Variants in HHAT observed in about 807,000 individuals in gnomAD.
HHAT encodes the protein protein-cysteine N-palmitoyltransferase HHAT.
Under a neutral mutation model 70.8 loss-of-function variants are expected in HHAT, and 47 were observed. The observed-to-expected ratio is 0.66, with a 90% CI of 0.53 to 0.85. HHAT has a LOEUF of 0.85. Among genes scored for constraint, HHAT ranks in the 40% least tolerant of loss-of-function variants. HHAT has a pLI of 0.00. For missense variants in HHAT, 609 were observed against 604.8 expected (o/e 1.01, Z -0.07); for synonymous variants, 228 against 247.6 (o/e 0.92, Z 0.74).
At chr1:210,426,373 C>G (rs911060652) in intron 7 of HHAT, among the ~76,000 whole-genome samples, 2 of 152,200 alleles carry the variant, frequency 1.3e-5, no homozygotes, top group African/African-American at 4.8e-5. Context: ...ACTTCCAATA[C>G]TATGTTGAAT....
intron 8 of HHAT, among the ~76,000 whole-genome samples, chr1:210,508,651 C>A (rs188558361): frequency 6.6e-6 from 1 of 152,186 alleles, no homozygotes; most frequent in East Asian, 1.9e-4. Context: ...GCTTTATGAA[C>A]CACTTCATTC....
At chr1:210,614,472 T>C (rs1667257363) in intron 10 of HHAT, among the ~76,000 whole-genome samples, 1 of 152,198 alleles carries the variant, frequency 6.6e-6, no homozygotes, top group African/African-American at 2.4e-5. Flanking sequence ...GCAGGTTTGT[T>C]ACATATGTAT....
intron 8 of HHAT, among the ~76,000 whole-genome samples, chr1:210,501,181 C>T (rs771447322): frequency 1.3e-5 from 2 of 152,218 alleles, no homozygotes; most frequent in Non-Finnish European, 2.9e-5. Context: ...ATTTTTCTAG[C>T]CTCTAATGCC....
At chr1:210,381,920 T>C (rs535571684) in intron 3 of HHAT, among the ~76,000 whole-genome samples, 2 of 152,276 alleles carry the variant, frequency 1.3e-5, no homozygotes, top group South Asian at 2.1e-4. Flanking sequence ...GTACTTTACA[T>C]TTTAGTCTAT....
chr1:210,438,145 CTTAA>C (rs1275504912), intron 7 of HHAT, among the ~76,000 whole-genome samples: 2 of 151,034 alleles, frequency 1.3e-5, no homozygotes, highest in East Asian at 1.9e-4. Flanking sequence ...TTTCCTGCAA[CTTAA>C]TTGTGACCTC....
At chr1:210,669,148 A>G (rs1404051052) in intron 11 of HHAT, among the ~76,000 whole-genome samples, 2 of 152,170 alleles carry the variant, frequency 1.3e-5, no homozygotes, top group Non-Finnish European at 2.9e-5. Flanking sequence ...TTCAGAAAAC[A>G]TACCCTTTGA....
chr1:210,552,992 G>C (rs2095540169), intron 9 of HHAT, among the ~76,000 whole-genome samples: 1 of 152,204 alleles, frequency 6.6e-6, no homozygotes, highest in South Asian at 2.1e-4. Flanking sequence ...TGCAGTGCCT[G>C]TGTTGAAGAG....
At chr1:210,605,297 G>C (rs1328161012) in intron 10 of HHAT, among the ~76,000 whole-genome samples, 1 of 152,198 alleles carries the variant, frequency 6.6e-6, no homozygotes, top group African/African-American at 2.4e-5. Flanking sequence ...AAATGAGGGA[G>C]GGAGTCAAAC....
At chr1:210,628,239 C>G (rs950735277) in intron 11 of HHAT, among the ~76,000 whole-genome samples, 3 of 151,928 alleles carry the variant, frequency 2.0e-5, no homozygotes, top group African/African-American at 7.3e-5. Context: ...GGTGGAGAGC[C>G]TTATAATGTG....
At chr1:210,447,559 C>T (rs2093660865) in intron 7 of HHAT, among the ~76,000 whole-genome samples, 2 of 152,178 alleles carry the variant, frequency 1.3e-5, no homozygotes, top group African/African-American at 4.8e-5. Flanking sequence ...AAAGGCAAAT[C>T]CTGACAATTC....
chr1:210,380,282 T>TGG (rs2090531530), intron 3 of HHAT, among the ~76,000 whole-genome samples: 1 of 152,208 alleles, frequency 6.6e-6, no homozygotes, highest in Non-Finnish European at 1.5e-5. Context: ...GGCTCACGCC[T>TGG]ATAATCCCAG....
chr1:210,590,994 T>A (rs1191484061), intron 10 of HHAT, among the ~76,000 whole-genome samples: 3 of 152,138 alleles, frequency 2.0e-5, no homozygotes, highest in Non-Finnish European at 4.4e-5. Flanking sequence ...GATACAGGCA[T>A]GCAATGTTTA....
chr1:210,344,687 G>A (rs1420111580), intron 1 of HHAT, among the ~76,000 whole-genome samples: 1 of 152,158 alleles, frequency 6.6e-6, no homozygotes, highest in African/African-American at 2.4e-5. Flanking sequence ...AGCCTTTGGG[G>A]CCACTGTTAT....
chr1:210,457,150 T>G (rs1210095477), intron 7 of HHAT, among the ~76,000 whole-genome samples: 1 of 152,128 alleles, frequency 6.6e-6, no homozygotes, highest in Non-Finnish European at 1.5e-5. Context: ...CTCAGGACAT[T>G]AGTTTCTCTT....
chr1:210,351,993 C>T (rs1440925005), intron 2 of HHAT, among the ~76,000 whole-genome samples: 3 of 152,166 alleles, frequency 2.0e-5, no homozygotes, highest in Non-Finnish European at 4.4e-5. Context: ...GGGTGTTATA[C>T]TTCTTTACCC....
chr1:210,518,725 G>A lies in HHAT; in HGVS notation c.1043+5537G>A, dbSNP rs1440651089. Among the ~76,000 whole-genome samples, 3 of 152,074 alleles carry A rather than the reference G, an allele frequency of 2.0e-5. No homozygotes were observed. In the South Asian group the frequency reaches 6.2e-4, roughly 32 times the overall value. ...TGAGAATCTTTTGAACCTGGGAGGC[G>A]GAGGTTGCAGTGAGCTGAGATCATA... On this transcript the variant is annotated intron_variant, in intron 9 of 11. Coordinates refer to ENST00000261458, the MANE Select transcript of HHAT (RefSeq NM_018194.6).
At position 210,428,044 on chromosome 1, in the gene HHAT, A is replaced by G. The variant is rs142423346; in HGVS notation, c.856+9719A>G. Among the ~76,000 whole-genome samples the G allele has an allele frequency of 1.1e-3, 161 of 149,278 alleles. 3 individuals are homozygous for G. The highest frequency in any genetic ancestry group is 4.1e-3 in the African/African-American group (159 of 38,844). ...TGAGTTGAATCCTTTACCATAATGT[A>G]ATGCCCTTCATTGTCTTTTTTGAAC... is the stretch of plus-strand genomic sequence containing the variant. On this transcript the variant is annotated intron_variant, in intron 7 of 11. Transcript: ENST00000261458.
rs545025342 is a variant in HHAT at position 210,546,593 on chromosome 1, G to C, written c.1043+33405G>C. ...GGCCAGGAAGGTGGGACCTTATCCTGTCTGGCATGAGGAACCTCCACATGG... is the reference window on the plus strand; with the variant it reads ...GGCCAGGAAGGTGGGACCTTATCCTCTCTGGCATGAGGAACCTCCACATGG... On this transcript the variant is annotated intron_variant, in intron 9 of 11. Transcript: ENST00000261458. Among the ~76,000 whole-genome samples, 3 of 152,298 alleles carry C rather than the reference G, an allele frequency of 2.0e-5. No individual in the cohort carries two copies. In the East Asian group the frequency reaches 5.8e-4, roughly 29 times the overall value.
At chr1:210,406,518 T>C (rs934062218) in intron 6 of HHAT, among the ~76,000 whole-genome samples, 3 of 152,016 alleles carry the variant, frequency 2.0e-5, no homozygotes, top group Non-Finnish European at 2.9e-5. Flanking sequence ...CTGAGCCTCC[T>C]GAGTAGCTGG....
Sources: allele counts gnomAD v4.1 joint callset (sites outside exome capture counted in the v4.1 genomes callset), GRCh38; gene constraint gnomAD v4.1.1; transcripts MANE v1.5; gene names NCBI Gene and HGNC (gene_info 2026-07-23, HGNC 2026-07-21).